PPARD: variants seen among roughly 807,000 people sequenced by gnomAD.
PPARD encodes peroxisome proliferator-activated receptor delta.
A neutral mutation model predicts 39.5 loss-of-function variants in PPARD; 6 were observed. The observed-to-expected ratio is 0.15, with a 90% confidence interval of 0.08 to 0.30. The LOEUF (loss-of-function observed/expected upper bound fraction) is 0.30, where lower values mean the gene tolerates loss of function less well. Ranked by LOEUF, PPARD falls within the 10% of genes least tolerant of loss-of-function variation. The pLI is 1.00. For synonymous variants in PPARD, 210 were observed against 231.3 expected, an observed-to-expected ratio of 0.91 and a Z score of 0.83; for missense variants, 397 against 596.8, an observed-to-expected ratio of 0.67 and a Z score of 3.49.
intron 2 of PPARD, among the ~76,000 whole-genome samples, chr6:35,379,257 C>A (rs1762997028): frequency 6.6e-6 from 1 of 152,074 alleles, no homozygotes; most frequent in Non-Finnish European, 1.5e-5. Context: ...GCATCCGCCA[C>A]CACGCTCGGC....
chr6:35,355,228 T>A (rs554911524), intron 2 of PPARD, among the ~76,000 whole-genome samples: 2 of 152,040 alleles, frequency 1.3e-5, no homozygotes, highest in East Asian at 3.9e-4. Context: ...GCACAGTGAA[T>A]CACTTGAGGC....
At chr6:35,398,912 A>C (rs1445419397) in intron 2 of PPARD, among the ~76,000 whole-genome samples, 1 of 151,992 alleles carries the variant, frequency 6.6e-6, no homozygotes, top group Non-Finnish European at 1.5e-5. Context: ...TTATGAGTTC[A>C]AGATCAGCCT....
intron 2 of PPARD, among the ~76,000 whole-genome samples, chr6:35,378,768 T>G (rs1762961961): frequency 1.3e-5 from 2 of 152,182 alleles, no homozygotes; most frequent in Admixed American, 1.3e-4. Context: ...CCATCACTTC[T>G]GACCTCGTTA....
At chr6:35,342,809 G>T (rs1329463489) in intron 1 of PPARD, 128 bp downstream of exon 1, 1 of 152,246 alleles carries the variant, frequency 6.6e-6, no homozygotes, top group Non-Finnish European at 1.5e-5. Context: ...AGCTGCCGGG[G>T]TCCGCGGACA....
chr6:35,375,358 C>G (rs1404082745), intron 2 of PPARD, among the ~76,000 whole-genome samples: 2 of 151,842 alleles, frequency 1.3e-5, no homozygotes, highest in African/African-American at 4.8e-5. Flanking sequence ...GCTGGGACTA[C>G]AGGCACGTGC....
chr6:35,357,737 A>G (rs1432680290), intron 2 of PPARD, among the ~76,000 whole-genome samples: 1 of 151,870 alleles, frequency 6.6e-6, no homozygotes, highest in Non-Finnish European at 1.5e-5. Flanking sequence ...GGATTTCACT[A>G]TCTTGGCCAG....
chr6:35,380,467 T>TTTG (rs1554206530), intron 2 of PPARD, among the ~76,000 whole-genome samples: 1 of 106,054 alleles, frequency 9.4e-6, no homozygotes, highest in African/African-American at 1.0e-4. Flanking sequence ...GTGTTTTTTT[T>TTTG]TTTTGTTTGT....
intron 1 of PPARD, among the ~76,000 whole-genome samples, chr6:35,343,477 C>A (rs1291710025): frequency 6.6e-6 from 1 of 151,244 alleles, no homozygotes; most frequent in Non-Finnish European, 1.5e-5. Context: ...AGGGAGAAGC[C>A]TTAGCTCCAC....
At chr6:35,353,369 G>T (rs985584858) in intron 2 of PPARD, among the ~76,000 whole-genome samples, 1 of 152,142 alleles carries the variant, frequency 6.6e-6, no homozygotes, top group Non-Finnish European at 1.5e-5. Flanking sequence ...TAAGTGTATT[G>T]ATTTTGATAT....
intron 2 of PPARD, among the ~76,000 whole-genome samples, chr6:35,377,770 T>C (rs1183078557): frequency 1.3e-5 from 2 of 151,910 alleles, no homozygotes; most frequent in Non-Finnish European, 2.9e-5. Flanking sequence ...TCTCCCCTCC[T>C]CTCCTTGATC....
Position 35,424,047 on chromosome 6 carries a change from A to G in PPARD, c.526A>G (p.Lys176Glu). 6.2e-7 allele frequency: 1 copy of G among 1,614,178 alleles called. No homozygotes were observed. Among genetic ancestry groups the G allele is most frequent in the Non-Finnish European group, 8.5e-7 (1 of 1,180,020 alleles). Residue 176 changes from lysine (K) to glutamate (E), a missense_variant, in exon 6 of 8, where the codon AAG (lysine) becomes GAG (glutamate). Lys to Glu is a moderately conservative substitution (Grantham distance 56). Coordinates refer to ENST00000360694, the MANE Select transcript of PPARD (RefSeq NM_006238.5). This position sits in a 1 kb window ranked among gnomAD's most constrained non-coding sequence, Gnocchi z 7.1. ...SQYNPQVADL[K>E]AFSKHIYNAY... Reference sequence around the variant, plus strand: ...GTACAACCCACAGGTGGCCGACCTGAAGGCCTTCTCCAAGCACATCTACAA... The same window carrying G: ...GTACAACCCACAGGTGGCCGACCTGGAGGCCTTCTCCAAGCACATCTACAA...
At chr6:35,398,984 G>T (rs570400998) in intron 2 of PPARD, among the ~76,000 whole-genome samples, 1 of 152,024 alleles carries the variant, frequency 6.6e-6, no homozygotes, top group African/African-American at 2.4e-5. Context: ...GCGTGGTGAC[G>T]CATGTCTGTA....
At chr6:35,411,323 A>G (rs1054495608) in intron 3 of PPARD, 106 bp downstream of exon 3, 15 of 1,293,324 alleles carry the variant, frequency 1.2e-5, no homozygotes, top group Non-Finnish European at 1.5e-5. Flanking sequence ...AGAGTAGCAG[A>G]GTGCTGAAGG....
intron 2 of PPARD, among the ~76,000 whole-genome samples, chr6:35,381,481 G>A (rs1455526387): frequency 6.6e-6 from 1 of 152,192 alleles, no homozygotes; most frequent in African/African-American, 2.4e-5. Context: ...TCTAGGGCTT[G>A]TCTCTCCGCT....
rs1247931099 is a variant in PPARD at position 35,347,109 on chromosome 6, G to A, written c.-143G>A. 1 of 1,536,096 alleles carries A rather than the reference G, an allele frequency of 6.5e-7. No homozygotes were observed. The highest frequency in any genetic ancestry group is 1.2e-5 in the South Asian group (1 of 84,066). On this transcript the variant is annotated 5_prime_UTR_variant, in exon 2 of 8. An upstream open reading frame in the 5' UTR gains an earlier in-frame stop. Coordinates refer to ENST00000360694, the MANE Select transcript of PPARD (RefSeq NM_006238.5). ...GGCATGCACGTGATACTCACACAGT[G>A]GCTTCTGCTCACCAACAGATGAAGA...
Position 35,416,407 on chromosome 6 carries a change from A to C in PPARD, c.131-3720A>C, listed in dbSNP as rs964501142. 1.5e-4 allele frequency among the ~76,000 whole-genome samples: 16 copies of C among 106,512 alleles called. No individual in the cohort carries two copies. In the South Asian group the frequency reaches 3.4e-3, roughly 23 times the overall value. 69.9% of individuals were successfully genotyped at this position (106,512 alleles called of 152,430 possible). A position where few individuals can be genotyped will look rare whatever the true frequency, so the allele number is the denominator to read the frequency against. ...AAAAAAAAAAAAAAAAAAAAAAAAA[A>C]AAACACCTTCTTAGCACATTGTTTG... On this transcript the variant is annotated intron_variant, in intron 3 of 7. Transcript: ENST00000360694.
chr6:35,403,112 T>A (rs1764810188), intron 2 of PPARD, among the ~76,000 whole-genome samples: 1 of 152,152 alleles, frequency 6.6e-6, no homozygotes, highest in Non-Finnish European at 1.5e-5. Flanking sequence ...TCCCCACAAT[T>A]GATGGTGAGG....
At chr6:35,395,727 A>G (rs1764271823) in intron 2 of PPARD, among the ~76,000 whole-genome samples, 1 of 152,192 alleles carries the variant, frequency 6.6e-6, no homozygotes, top group East Asian at 1.9e-4. Context: ...TTTTAGCATT[A>G]GAGTTCAGGA....
At chr6:35,344,935 A>G (rs1792082958) in intron 1 of PPARD, among the ~76,000 whole-genome samples, 1 of 152,234 alleles carries the variant, frequency 6.6e-6, no homozygotes, top group South Asian at 2.1e-4. Context: ...GTTCCTGTGA[A>G]TAGCATCTCT....
Sources: gnomAD v4.1 joint callset for allele counts (sites outside exome capture counted in the v4.1 genomes callset) on GRCh38, gnomAD v4.1.1 for gene constraint, Gnocchi (gnomAD v3.1) non-coding constraint, MANE v1.5 for transcripts, NCBI Gene and HGNC (gene_info 2026-07-23, HGNC 2026-07-21) for gene names.